MRTFB: variants seen among roughly 807,000 people sequenced by gnomAD.
MRTFB encodes the protein myocardin-related transcription factor B.
MRTFB carries 29 observed loss-of-function variants against 104.2 expected under a neutral mutation model. The ratio of observed to expected loss-of-function variants is 0.28; its 90% CI spans 0.21 to 0.38. MRTFB has a LOEUF of 0.38. Among genes scored for constraint, MRTFB ranks in the 10% least tolerant of loss-of-function variants. The pLI, the probability that MRTFB is intolerant of heterozygous loss-of-function variation, is 1.00. For synonymous variants in MRTFB, 535 were observed against 519.5 expected (o/e 1.03, Z -0.41); for missense variants, 1,270 against 1,341.6 (o/e 0.95, Z 0.83).
the MRTFB span, among the ~76,000 whole-genome samples, chr16:14,023,692 TAC>T: frequency 6.6e-6 from 1 of 151,332 alleles, no homozygotes; most frequent in African/African-American, 2.4e-5. Context: ...TATATATATA[TAC>T]ATATTTTATA....
the MRTFB span, among the ~76,000 whole-genome samples, chr16:14,000,592 A>G: frequency 1.3e-5 from 2 of 152,172 alleles, no homozygotes; most frequent in African/African-American, 2.4e-5. Flanking sequence ...CTGCCTTTCC[A>G]TCTTCAATCA....
intron 2 of MRTFB, among the ~76,000 whole-genome samples, chr16:14,093,601 CAG>C (rs2035204821): frequency 6.6e-6 from 1 of 152,110 alleles, no homozygotes; most frequent in Non-Finnish European, 1.5e-5. Flanking sequence ...TTTAAAAAAA[CAG>C]ATTTTCATTT....
intron 2 of MRTFB, among the ~76,000 whole-genome samples, chr16:14,095,213 A>G (rs1360654259): frequency 6.6e-6 from 1 of 152,232 alleles, no homozygotes; most frequent in Admixed American, 6.5e-5. Context: ...ACAGTGACTT[A>G]GAGAATAATA....
chr16:14,215,695 T>A (rs2041388082), intron 6 of MRTFB, among the ~76,000 whole-genome samples: 1 of 152,244 alleles, frequency 6.6e-6, no homozygotes, highest in African/African-American at 2.4e-5. Context: ...AGAAGTGTTA[T>A]CTCAGAAGAT....
intron 6 of MRTFB, 77 bp from the exon 7 acceptor site, chr16:14,217,049 G>C (rs1597275944): frequency 7.0e-7 from 1 of 1,421,518 alleles, no homozygotes; most frequent in Non-Finnish European, 9.4e-7. Context: ...TTTAAATTCA[G>C]TTTGTTGGCC....
intron 2 of MRTFB, among the ~76,000 whole-genome samples, chr16:14,098,059 T>C (rs1184583767): frequency 6.6e-6 from 1 of 152,228 alleles, no homozygotes; most frequent in Non-Finnish European, 1.5e-5. Flanking sequence ...AAAATCAATC[T>C]GAACATTTAT....
At chr16:14,023,657 ATGTGTG>A in the MRTFB span, among the ~76,000 whole-genome samples, 1 of 145,022 alleles carries the variant, frequency 6.9e-6, no homozygotes, top group South Asian at 2.2e-4. Context: ...ATACATATTT[ATGTGTG>A]TGTGTGTGTG....
the MRTFB span, among the ~76,000 whole-genome samples, chr16:14,062,870 G>A: frequency 6.6e-6 from 1 of 152,106 alleles, no homozygotes; most frequent in African/African-American, 2.4e-5. Context: ...GTCAGCACGG[G>A]GCCCACTATG....
chr16:14,137,166 C>G (rs572477681), intron 2 of MRTFB, among the ~76,000 whole-genome samples: 338 of 152,200 alleles, frequency 2.2e-3, no homozygotes, highest in Non-Finnish European at 3.8e-3. Context: ...AGAAAATCAT[C>G]AAGTAGTTAA....
At chr16:14,012,589 C>T in the MRTFB span, among the ~76,000 whole-genome samples, 10 of 152,226 alleles carry the variant, frequency 6.6e-5, no homozygotes, top group Admixed American at 1.3e-4. Context: ...TGAGCCACCG[C>T]GCCCGGCTGA....
chr16:14,245,006 A>G (rs1048005141), intron 10 of MRTFB, among the ~76,000 whole-genome samples: 1 of 152,190 alleles, frequency 6.6e-6, no homozygotes, highest in African/African-American at 2.4e-5. Context: ...GAACAAGGTG[A>G]GATGGGGCCA....
chr16:14,092,242 T>C (rs2035120528), intron 2 of MRTFB, among the ~76,000 whole-genome samples: 1 of 152,154 alleles, frequency 6.6e-6, no homozygotes, highest in South Asian at 2.1e-4. Context: ...GACTATTTTT[T>C]TTTGCTGCGA....
intron 3 of MRTFB, among the ~76,000 whole-genome samples, chr16:14,178,977 A>G (rs1184357643): frequency 6.6e-6 from 1 of 152,122 alleles, no homozygotes; most frequent in Non-Finnish European, 1.5e-5. Flanking sequence ...TCCCGAATTC[A>G]AGAAATCCAC....
intron 15 of MRTFB, among the ~76,000 whole-genome samples, chr16:14,257,158 G>A (rs2043530310): frequency 6.6e-6 from 1 of 152,176 alleles, no homozygotes; most frequent in Non-Finnish European, 1.5e-5. Context: ...AGTGTAAAAT[G>A]GAACAGTCAC....
At chr16:14,029,421 T>A in the MRTFB span, among the ~76,000 whole-genome samples, 2,750 of 46,190 alleles carry the variant, frequency 0.06, 57 homozygotes, top group South Asian at 0.13. Flanking sequence ...AAAAAAAAAA[T>A]ATATATATAT....
At chr16:14,226,317 G>A (rs2042000342) in intron 8 of MRTFB, among the ~76,000 whole-genome samples, 1 of 152,176 alleles carries the variant, frequency 6.6e-6, no homozygotes, top group Admixed American at 6.5e-5. Context: ...CAAAGACACA[G>A]TAATTAAAAC....
chr16:14,009,343 G>A, the MRTFB span: 1 of 151,996 alleles, frequency 6.6e-6, no homozygotes, highest in African/African-American at 2.4e-5. Flanking sequence ...AACTACAGCT[G>A]GTTTTTGCAT....
chr16:14,115,004 C>T (rs1267686271), intron 2 of MRTFB, among the ~76,000 whole-genome samples: 2 of 152,122 alleles, frequency 1.3e-5, no homozygotes, highest in African/African-American at 4.8e-5. Context: ...CTAGGTTATT[C>T]CTCCTTGCCA....
intron 2 of MRTFB, among the ~76,000 whole-genome samples, chr16:14,126,645 G>A (rs1353799697): frequency 6.6e-6 from 1 of 152,158 alleles, no homozygotes; most frequent in Non-Finnish European, 1.5e-5. Context: ...TAGCTCTGCT[G>A]TGCGCCTCAC....
Sources: gnomAD v4.1 joint callset for allele counts (sites outside exome capture counted in the v4.1 genomes callset) on GRCh38, gnomAD v4.1.1 for gene constraint, MANE v1.5 for transcripts, NCBI Gene and HGNC (gene_info 2026-07-23, HGNC 2026-07-21) for gene names.